The following FMN1 variants were observed in gnomAD, a reference collection of about 807,000 sequenced individuals.
FMN1 encodes the protein formin 1.
A neutral mutation model predicts 132.4 loss-of-function variants in FMN1; 110 were observed. The ratio of observed to expected loss-of-function variants is 0.83; its 90% CI spans 0.71 to 0.97. The LOEUF (loss-of-function observed/expected upper bound fraction) is 0.97. Ranked by LOEUF, FMN1 falls within the 50% of genes least tolerant of loss-of-function variation. The probability of loss-of-function intolerance (pLI) is 0.00; values close to 1 mark genes in which losing one functional copy is unlikely to be tolerated. For missense variants in FMN1, 1,792 were observed against 1,705.3 expected, an observed-to-expected ratio of 1.05 and a Z score of -0.90; for synonymous variants, 722 against 651.7, an observed-to-expected ratio of 1.11 and a Z score of -1.64.
intron 6 of FMN1, chr15:33,063,745 A>G (rs1484453079): frequency 1.3e-5 from 2 of 152,234 alleles, no homozygotes; most frequent in South Asian, 2.1e-4. Context: ...GTTTAGCCCT[A>G]TGCTACTTCT....
At chr15:32,859,309 C>CG (rs1040485942) in intron 16 of FMN1, among the ~76,000 whole-genome samples, 1 of 152,142 alleles carries the variant, frequency 6.6e-6, no homozygotes, top group Non-Finnish European at 1.5e-5. Context: ...ATTCAAACTT[C>CG]GGGGACTTGG....
rs1312135868 is a variant in FMN1 at position 33,153,945 on chromosome 15, T to C, written c.970A>G (p.Lys324Glu). 6.5e-7 allele frequency: 1 copy of C among 1,536,686 alleles called. No individual in the cohort carries two copies. The change falls in exon 4 of 21, where the codon AAA becomes GAA. Residue 324 changes from lysine to glutamate, a missense_variant. By Grantham distance (56) the Lys-to-Glu change is moderately conservative. This residue lies in a region of FMN1 where 638 missense variants were observed against 645.2 expected (regional missense o/e 0.99). Coordinates refer to ENST00000616417, the MANE Select transcript of FMN1 (RefSeq NM_001277313.2). ...TTGGCCACCACTTTGGAGACAGGTTTCTGCTTGCAAGTCCGCTTAGCCGGC... is the reference window on the plus strand; with the variant it reads ...TTGGCCACCACTTTGGAGACAGGTTCCTGCTTGCAAGTCCGCTTAGCCGGC... ...EKPAKRTCKQ[K>E]PVSKVVAKVQ... is the part of the protein sequence containing the mutation.
intron 19 of FMN1, among the ~76,000 whole-genome samples, chr15:32,793,275 C>G (rs1358971693): frequency 6.6e-6 from 1 of 151,654 alleles, no homozygotes; most frequent in Non-Finnish European, 1.5e-5. Context: ...TTTGTGATTT[C>G]TTTTTTTCTT....
intron 6 of FMN1, among the ~76,000 whole-genome samples, chr15:33,018,813 G>C (rs910568570): frequency 6.6e-6 from 1 of 152,164 alleles, no homozygotes; most frequent in Non-Finnish European, 1.5e-5. Flanking sequence ...GCTGGCTTCA[G>C]TGAATCTGCA....
intron 5 of FMN1, among the ~76,000 whole-genome samples, chr15:33,072,649 A>G (rs766038710): frequency 7.2e-5 from 11 of 152,178 alleles, no homozygotes; most frequent in Non-Finnish European, 1.3e-4. Flanking sequence ...TAGGCTGGGC[A>G]CAGTAGCTCA....
Position 33,153,529 on chromosome 15 carries a change from CA to C in FMN1, c.1385del (p.Leu462CysfsTer17). 1 of 1,536,354 alleles carries C rather than the reference CA, an allele frequency of 6.5e-7. No individual in the cohort carries two copies. The highest frequency in any genetic ancestry group is 1.2e-5 in the South Asian group (1 of 84,066). On this transcript the variant is annotated frameshift_variant, in exon 4 of 21. Transcript: ENST00000616417. LOFTEE classifies it high-confidence loss of function. ...ACAAGGACTTGTGGCCACCAAGGGG[CA>C]ACCCGGCTCTCCTCTTGTTTCTCGT... Reference protein sequence around the residue: ...PETRNKRRAGLPLGGHKSLFL... With the variant: ...PETRNKRRAGXPLGGHKSLFL...
intron 3 of FMN1, among the ~76,000 whole-genome samples, chr15:33,173,721 G>A (rs1317622831): frequency 1.3e-5 from 2 of 152,238 alleles, no homozygotes; most frequent in Non-Finnish European, 2.9e-5. Flanking sequence ...CTGAGGTCAG[G>A]AGTTCCAGAT....
At chr15:32,982,139 G>C (rs567300085) in intron 7 of FMN1, among the ~76,000 whole-genome samples, 14 of 152,314 alleles carry the variant, frequency 9.2e-5, no homozygotes, top group Admixed American at 6.5e-4. Context: ...ATAAAAAGAT[G>C]TTCAACATCA....
At chr15:32,846,417 A>C (rs2058857820) in intron 17 of FMN1, among the ~76,000 whole-genome samples, 1 of 152,208 alleles carries the variant, frequency 6.6e-6, no homozygotes, top group South Asian at 2.1e-4. Context: ...AAGGAGATGA[A>C]CAAACACTTC....
chr15:32,963,670 T>A (rs926946830), intron 9 of FMN1, among the ~76,000 whole-genome samples: 10 of 152,208 alleles, frequency 6.6e-5, no homozygotes, highest in African/African-American at 2.4e-4. Flanking sequence ...AATGAATTTA[T>A]AAATAAAACC....
chr15:33,113,280 G>A (rs1325297205), intron 4 of FMN1, among the ~76,000 whole-genome samples: 1 of 152,152 alleles, frequency 6.6e-6, no homozygotes, highest in African/African-American at 2.4e-5. Context: ...CTTCAGTGAA[G>A]TAATTAAACA....
chr15:33,030,009 A>T (rs345869), intron 6 of FMN1, among the ~76,000 whole-genome samples: 133,596 of 152,162 alleles, frequency 0.88, 59,301 homozygotes, highest in Non-Finnish European at 0.93. Context: ...TACAAAAAAA[A>T]TAGCTGGGCG....
intron 6 of FMN1, among the ~76,000 whole-genome samples, chr15:33,013,427 A>T (rs55933715): frequency 0.094 from 14,236 of 152,246 alleles, 703 homozygotes; most frequent in South Asian, 0.13. Flanking sequence ...AAGAAAGACT[A>T]GCAAGCAATA....
chr15:33,125,795 G>C (rs549238798), intron 4 of FMN1, among the ~76,000 whole-genome samples: 2 of 152,148 alleles, frequency 1.3e-5, no homozygotes, highest in East Asian at 3.9e-4. Context: ...TTTAGTGACT[G>C]AGCCCTTCCT....
chr15:33,079,065 T>C (rs2038344233), intron 5 of FMN1, among the ~76,000 whole-genome samples: 1 of 152,218 alleles, frequency 6.6e-6, no homozygotes, highest in Admixed American at 6.5e-5. Flanking sequence ...ATACAATTCC[T>C]AGAAAAATTC....
In FMN1 at chr15:33,158,466, C is replaced by T. The variant is rs530999146; in HGVS notation, c.-131-3421G>A. ...AAAGAAAAAAAAAAAGAACTTTACA[C>T]TATTGCCTCATCCACCCAGAAACTT... On this transcript the variant is annotated intron_variant, in intron 3 of 20. Transcript: ENST00000616417. Among the ~76,000 whole-genome samples, 153 of 151,924 alleles carry T rather than the reference C, an allele frequency of 1.0e-3. 1 individual carries two copies. The highest frequency in any genetic ancestry group is 3.4e-3 in the African/African-American group (139 of 41,474).
intron 6 of FMN1, among the ~76,000 whole-genome samples, chr15:33,010,326 T>C (rs968878011): frequency 2.0e-5 from 3 of 151,530 alleles, no homozygotes; most frequent in Non-Finnish European, 4.4e-5. Context: ...GGGGAGGGGG[T>C]TGACTGCAAA....
intron 17 of FMN1, among the ~76,000 whole-genome samples, chr15:32,841,299 A>T (rs1024881647): frequency 1.3e-5 from 2 of 152,214 alleles, no homozygotes; most frequent in Non-Finnish European, 2.9e-5. Flanking sequence ...CCTGGAGAAG[A>T]AGTCTCATAT....
At chr15:33,063,993 G>C (rs919582348) in intron 6 of FMN1, 5 of 152,156 alleles carry the variant, frequency 3.3e-5, no homozygotes, top group Non-Finnish European at 5.9e-5. Flanking sequence ...AGTAACCAAT[G>C]CCCTGCAGAA....
Sources: gnomAD v4.1 joint callset for allele counts (sites outside exome capture counted in the v4.1 genomes callset) on GRCh38, gnomAD v4.1.1 for gene constraint, gnomAD v4.1.1 regional missense constraint, MANE v1.5 for transcripts, NCBI Gene and HGNC (gene_info 2026-07-23, HGNC 2026-07-21) for gene names.